The following SH3BP4 variants were observed in gnomAD, a reference collection of about 807,000 sequenced individuals.
The protein encoded by SH3BP4 is SH3 domain-binding protein 4.
A neutral mutation model predicts 65.5 loss-of-function variants in SH3BP4; 33 were observed. The observed-to-expected ratio is 0.50, with a 90% CI of 0.38 to 0.67. The LOEUF is 0.67. Among genes scored for constraint, SH3BP4 ranks in the 30% least tolerant of loss-of-function variants. The pLI, the probability that SH3BP4 is intolerant of heterozygous loss-of-function variation, is 0.00. For missense variants in SH3BP4, 1,134 were observed against 1,261.4 expected, an observed-to-expected ratio of 0.90 and a Z score of 1.53; for synonymous variants, 552 against 545.5, an observed-to-expected ratio of 1.01 and a Z score of -0.17.
At chr2:234,988,837 A>G (rs1010585103) in intron 1 of SH3BP4, among the ~76,000 whole-genome samples, 2 of 152,110 alleles carry the variant, frequency 1.3e-5, no homozygotes, top group African/African-American at 4.8e-5. Flanking sequence ...AGGAGAGAGG[A>G]AGGTTATATC....
intron 1 of SH3BP4, among the ~76,000 whole-genome samples, chr2:234,957,341 G>A (rs1228474309): frequency 1.3e-5 from 2 of 151,984 alleles, no homozygotes; most frequent in African/African-American, 2.4e-5. Flanking sequence ...GCCAGTTTGG[G>A]CTGGGAACAT....
chr2:235,025,116 C>T (rs538311703), intron 2 of SH3BP4, among the ~76,000 whole-genome samples: 305 of 152,250 alleles, frequency 2.0e-3, no homozygotes, highest in Non-Finnish European at 3.4e-3. Flanking sequence ...GGCCAGCCTT[C>T]CCATGTGATT....
chr2:234,965,285 C>T (rs1031135748), intron 1 of SH3BP4, among the ~76,000 whole-genome samples: 1 of 152,190 alleles, frequency 6.6e-6, no homozygotes, highest in Non-Finnish European at 1.5e-5. Context: ...TTGAACTCCT[C>T]GGCAGTTCCC....
intron 2 of SH3BP4, among the ~76,000 whole-genome samples, chr2:235,019,796 A>G (rs914566940): frequency 6.6e-6 from 1 of 150,466 alleles, no homozygotes; most frequent in African/African-American, 2.5e-5. Flanking sequence ...TCAATCTAGA[A>G]GGTGGTCCAT....
intron 2 of SH3BP4, among the ~76,000 whole-genome samples, chr2:235,016,599 C>T (rs1487693858): frequency 6.6e-6 from 1 of 152,186 alleles, no homozygotes. Flanking sequence ...CCTCTGCCCT[C>T]GTGAGTTCAA....
chr2:234,986,907 G>A (rs540591930), intron 1 of SH3BP4, among the ~76,000 whole-genome samples: 2 of 151,976 alleles, frequency 1.3e-5, no homozygotes, highest in South Asian at 4.2e-4. Flanking sequence ...CAAGTAGCTG[G>A]GATTACAGGC....
chr2:235,027,850 C>T (rs56394744), intron 2 of SH3BP4, among the ~76,000 whole-genome samples: 15,213 of 152,202 alleles, frequency 0.1, 1,139 homozygotes, highest in East Asian at 0.25. Context: ...GACATGCTCT[C>T]GTTAGGTTGG....
chr2:234,983,017 C>T (rs1693435200), intron 1 of SH3BP4, among the ~76,000 whole-genome samples: 1 of 152,214 alleles, frequency 6.6e-6, no homozygotes. Flanking sequence ...CTGCCGATTA[C>T]AGGTGCTTGG....
intron 2 of SH3BP4, among the ~76,000 whole-genome samples, chr2:235,012,868 G>C (rs1694559343): frequency 1.3e-5 from 2 of 152,120 alleles, no homozygotes; most frequent in South Asian, 4.1e-4. Flanking sequence ...TTTTACCAAG[G>C]ATCAGGTGAG....
Position 235,041,282 on chromosome 2 carries a change from G to A in SH3BP4, c.513G>A (p.Leu171=). The change falls in exon 4 of 6, where the codon CTG becomes CTA. Residue 171 remains leucine, a synonymous_variant. Transcript: ENST00000392011. This position sits in a 1 kb window ranked among gnomAD's most constrained non-coding sequence, Gnocchi z 6.0. ...FWNGVQTNPF[L]NGNVPVMPSL... ...ATGGGGTCCAGACCAATCCATTTCT[G>A]AATGGGAACGTGCCCGTCATGCCCA... 1 of 1,614,158 alleles carries A rather than the reference G, an allele frequency of 6.2e-7. No homozygotes were observed. The highest frequency in any genetic ancestry group is 8.5e-7 in the Non-Finnish European group (1 of 1,180,046).
At chr2:234,979,290 C>T (rs1260658158) in intron 1 of SH3BP4, among the ~76,000 whole-genome samples, 1 of 152,242 alleles carries the variant, frequency 6.6e-6, no homozygotes, top group Non-Finnish European at 1.5e-5. Flanking sequence ...ATCCTCTCCC[C>T]TTCCTGCAAA....
rs960920603 is a variant in SH3BP4 at position 235,030,147 on chromosome 2, A to G, written c.-132-4724A>G. Reference sequence around the variant, plus strand: ...TTTTTAAAAGCGGTGAGCACTGTCCAGAAGTGTTGTAGCAGGGCAGCAGCA... The same window carrying G: ...TTTTTAAAAGCGGTGAGCACTGTCCGGAAGTGTTGTAGCAGGGCAGCAGCA... On this transcript the variant is annotated intron_variant, in intron 2 of 5. Transcript: ENST00000392011. The surrounding 1 kb of genome is among the most constrained non-coding windows in gnomAD (Gnocchi z 4.1). Among the ~76,000 whole-genome samples, 1 of 152,112 alleles carries G rather than the reference A, an allele frequency of 6.6e-6. No individual in the cohort carries two copies. Among genetic ancestry groups the G allele is most frequent in the Non-Finnish European group, 1.5e-5 (1 of 68,018 alleles).
Position 235,040,994 on chromosome 2 carries a change from G to T in SH3BP4, c.225G>T (p.Lys75Asn). The T allele has an allele frequency of 6.2e-7, 1 of 1,614,204 alleles. No homozygotes were observed. The highest frequency in any genetic ancestry group is 8.5e-7 in the Non-Finnish European group (1 of 1,180,040). The change falls in exon 4 of 6, where the codon AAG becomes AAT. Residue 75 changes from lysine to asparagine, a missense_variant. Lys to Asn is a moderately conservative substitution (Grantham distance 94). Coordinates refer to ENST00000392011, the MANE Select transcript of SH3BP4 (RefSeq NM_014521.3). ...DYCPTNFTTL[K>N]FSKGDHLYVL... ...GCCCCACCAACTTCACCACACTGAAGTTCTCCAAGGGCGACCATCTCTACG... is the reference window on the plus strand; with the variant it reads ...GCCCCACCAACTTCACCACACTGAATTTCTCCAAGGGCGACCATCTCTACG...
At position 234,977,540 on chromosome 2, in the gene SH3BP4, G is replaced by A. The variant is rs1693203950; in HGVS notation, c.-206-17763G>A. 6.6e-6 allele frequency among the ~76,000 whole-genome samples: 1 copy of A among 152,130 alleles called. No homozygotes were observed. The highest frequency in any genetic ancestry group is 2.4e-5 in the African/African-American group (1 of 41,436). ...AAACTGCTCTGAAACTCAGAGCCCA[G>A]AGCACCCAGCTCTGGGGCGACTGGC... On this transcript the variant is annotated intron_variant, in intron 1 of 5. Transcript: ENST00000392011. This position sits in a 1 kb window ranked among gnomAD's most constrained non-coding sequence, Gnocchi z 5.1.
chr2:235,007,412 G>A (rs1290996340), intron 2 of SH3BP4, among the ~76,000 whole-genome samples: 3 of 152,246 alleles, frequency 2.0e-5, no homozygotes, highest in Middle Eastern at 3.4e-3. Flanking sequence ...GGGACACTTG[G>A]CAATGTCTGG....
rs577393832 is a variant in SH3BP4, at chr2:234,988,306, A to G, written c.-206-6997A>G. Among the ~76,000 whole-genome samples, 1,376 of 151,952 alleles carry G rather than the reference A, an allele frequency of 9.1e-3. 5 individuals are homozygous for G. The highest frequency in any genetic ancestry group is 0.013 in the Non-Finnish European group (915 of 67,950). ...GATCTCCTGACCTCATGATCTGCCC[A>G]CCTTGGCCTCCCAAAGTGCTGGGAT... On this transcript the variant is annotated intron_variant, in intron 1 of 5. Transcript: ENST00000392011.
rs900312855 is a variant in SH3BP4 at position 235,041,804 on chromosome 2, C to T, written c.1035C>T (p.His345=). The T allele has an allele frequency of 5.0e-6, 8 of 1,594,708 alleles. No homozygotes were observed. Among genetic ancestry groups the T allele is most frequent in the East Asian group, 2.2e-5 (1 of 44,572 alleles). The change falls in exon 4 of 6, where the codon CAC becomes CAT. Residue 345 remains histidine, a synonymous_variant. Transcript: ENST00000392011. This position sits in a 1 kb window ranked among gnomAD's most constrained non-coding sequence, Gnocchi z 6.0. The stretch of plus-strand genomic sequence containing the variant: ...TCAGCATCCACGTGCCCGAGGGCCA[C>T]GTCGCCCCTGGGGAGACCCAGCAGA... The part of the protein sequence containing the change: ...TSISIHVPEG[H]VAPGETQQIS...
intron 2 of SH3BP4, among the ~76,000 whole-genome samples, chr2:235,020,019 G>A (rs1030472923): frequency 1.3e-5 from 2 of 152,094 alleles, no homozygotes; most frequent in African/African-American, 2.4e-5. Context: ...TGGACCCCCC[G>A]AGGGAGAGCC....
At chr2:235,053,235 G>T (rs1696119074) in intron 5 of SH3BP4, among the ~76,000 whole-genome samples, 1 of 152,214 alleles carries the variant, frequency 6.6e-6, no homozygotes, top group Admixed American at 6.5e-5. Context: ...AGGCTTGCAA[G>T]ATCCAGGAAG....
Sources: allele counts gnomAD v4.1 joint callset (sites outside exome capture counted in the v4.1 genomes callset), GRCh38; gene constraint gnomAD v4.1.1; non-coding constraint Gnocchi (gnomAD v3.1); transcripts MANE v1.5; gene names NCBI Gene and HGNC (gene_info 2026-07-23, HGNC 2026-07-21).